Variants in TMEM9 observed in about 807,000 individuals in gnomAD.
TMEM9 encodes proton-transporting V-type ATPase complex assembly regulator TMEM9.
TMEM9 carries 13 observed loss-of-function variants against 22.8 expected under a neutral mutation model. The ratio of observed to expected loss-of-function variants is 0.57; its 90% CI spans 0.37 to 0.91. TMEM9 has a LOEUF of 0.91. Among genes scored for constraint, TMEM9 ranks in the 40% least tolerant of loss-of-function variants. The pLI, the probability that TMEM9 is intolerant of heterozygous loss-of-function variation, is 0.01. For missense variants in TMEM9, 182 were observed against 238.1 expected (o/e 0.76, Z 1.55); for synonymous variants, 88 against 93.0 (o/e 0.95, Z 0.31).
At chr1:201,167,984 G>A (rs1241296286) in intron 1 of TMEM9, among the ~76,000 whole-genome samples, 3 of 152,148 alleles carry the variant, frequency 2.0e-5, no homozygotes, top group Non-Finnish European at 4.4e-5. Context: ...GTTTTTGCCT[G>A]TTTTGAACTT....
At chr1:201,168,527 T>C (rs1666134839) in intron 1 of TMEM9, among the ~76,000 whole-genome samples, 1 of 152,210 alleles carries the variant, frequency 6.6e-6, no homozygotes, top group South Asian at 2.1e-4. Flanking sequence ...AAGATCAGCC[T>C]GGCCAACATG....
intron 1 of TMEM9, among the ~76,000 whole-genome samples, chr1:201,160,021 CATAA>C (rs1325091563): frequency 1.3e-5 from 2 of 152,206 alleles, no homozygotes; most frequent in Non-Finnish European, 2.9e-5. Flanking sequence ...CATGGCACTG[CATAA>C]ATAGAGGATA....
At chr1:201,142,996 C>A (rs1468272141) in intron 4 of TMEM9, among the ~76,000 whole-genome samples, 1 of 152,254 alleles carries the variant, frequency 6.6e-6, no homozygotes, top group African/African-American at 2.4e-5. Flanking sequence ...CTCCTGTCCC[C>A]CCGGGTTTCC....
intron 2 of TMEM9, among the ~76,000 whole-genome samples, chr1:201,147,129 C>T (rs769668849): frequency 1.3e-4 from 20 of 152,180 alleles, no homozygotes; most frequent in Middle Eastern, 3.2e-3. Context: ...TACCCCCAGC[C>T]GCCTTCCTCA....
Position 201,135,751 on chromosome 1 carries a change from T to G in TMEM9, c.464A>C (p.Glu155Ala). The G allele has an allele frequency of 6.2e-7, 1 of 1,613,692 alleles. No individual in the cohort carries two copies. The highest frequency in any genetic ancestry group is 8.5e-7 in the Non-Finnish European group (1 of 1,179,814). ...CCGCTGCTGGGCACCTTCCACACGC[T>G]CCAGGACTGTGTTTGCTCGGGGTCC... ...LGGPRANTVLERVEGAQQRWK... is the reference protein window; with the variant it reads ...LGGPRANTVLARVEGAQQRWK... Residue 155 changes from glutamate to alanine, a missense_variant, in exon 5 of 5, where the codon GAG (glutamate) becomes GCG (alanine). By Grantham distance (107) the Glu-to-Ala change is moderately radical (BLOSUM62 -1). Transcript: ENST00000367330.
intron 2 of TMEM9, among the ~76,000 whole-genome samples, chr1:201,149,554 T>C (rs1665255690): frequency 6.6e-6 from 1 of 152,150 alleles, no homozygotes; most frequent in African/African-American, 2.4e-5. Context: ...GTTTTTGCCT[T>C]TTTATGCACA....
At chr1:201,144,245 G>A (rs1172797060) in intron 3 of TMEM9, 5 of 303,354 alleles carry the variant, frequency 1.6e-5, no homozygotes, top group Admixed American at 8.5e-5. Context: ...AGAGGCTCCC[G>A]GGGTAGAGAT....
chr1:201,137,490 ACAC>A (rs1664110216), intron 4 of TMEM9, among the ~76,000 whole-genome samples: 2 of 151,570 alleles, frequency 1.3e-5, no homozygotes, highest in African/African-American at 4.8e-5. Flanking sequence ...ACACACACAC[ACAC>A]ACACACACAC....
rs1173355420 is a variant in TMEM9 at position 201,135,212 on chromosome 1, A to AT, written c.*450dup. 8.0e-6 allele frequency: 1 copy of AT among 124,926 alleles called. No homozygotes were observed. The allele number at this position is 124,926 out of a possible 1,614,324, so 7.7% of individuals were successfully genotyped here. A position where few individuals can be genotyped will look rare whatever the true frequency, so the allele number is the denominator to read the frequency against. ...CGCTGGGGCTGGGAGGGAGGTGGTG[A>AT]TAAGAACCACTGCAGAAAGGAACAC... On this transcript the variant is annotated 3_prime_UTR_variant, in exon 5 of 5. Coordinates refer to ENST00000367330, the MANE Select transcript of TMEM9 (RefSeq NM_001288565.2).
Position 201,143,953 on chromosome 1 carries a change from T to A in TMEM9, c.268-2A>T, listed in dbSNP as rs1264410947. On this transcript the variant is annotated splice_acceptor_variant, in intron 3 of 4. Transcript: ENST00000367330. LOFTEE classifies it high-confidence loss of function. ...GGACAGGTAGATGACAATGATGACC[T>A]GAGGAAGAGACCGGCGTGCCTATGA... The A allele has an allele frequency of 2.5e-6, 4 of 1,614,008 alleles. No individual in the cohort carries two copies. The highest frequency in any genetic ancestry group is 3.4e-6 in the Non-Finnish European group (4 of 1,179,966).
intron 1 of TMEM9, among the ~76,000 whole-genome samples, chr1:201,162,575 T>TA (rs1412725479): frequency 6.7e-6 from 1 of 148,232 alleles, no homozygotes; most frequent in African/African-American, 2.5e-5. Context: ...TCATACCTTG[T>TA]AAAAAATATA....
chr1:201,146,917 C>G, intron 2 of TMEM9, 69 bp from the exon 3 acceptor site: 1 of 1,452,326 alleles, frequency 6.9e-7, no homozygotes, highest in Non-Finnish European at 9.6e-7. Flanking sequence ...ACCAGAGAAG[C>G]AGGTAGCCAG....
intron 2 of TMEM9, among the ~76,000 whole-genome samples, chr1:201,147,818 C>T (rs149230555): frequency 4.7e-4 from 71 of 152,306 alleles, no homozygotes; most frequent in Non-Finnish European, 2.4e-4. Context: ...TCCAGCCACA[C>T]GGATCTGCCA....
intron 4 of TMEM9, among the ~76,000 whole-genome samples, chr1:201,141,156 TAA>T (rs1664486558): frequency 1.3e-5 from 2 of 152,192 alleles, no homozygotes; most frequent in South Asian, 4.1e-4. Flanking sequence ...CCTTGTCTAG[TAA>T]AGAGGGGCCT....
At chr1:201,141,793 G>C (rs1315314107) in intron 4 of TMEM9, among the ~76,000 whole-genome samples, 3 of 152,108 alleles carry the variant, frequency 2.0e-5, no homozygotes, top group African/African-American at 7.2e-5. Context: ...GAGCACTCCA[G>C]GTCTCCTGGG....
intron 4 of TMEM9, among the ~76,000 whole-genome samples, chr1:201,140,330 C>T (rs927024897): frequency 6.6e-6 from 1 of 152,240 alleles, no homozygotes; most frequent in East Asian, 1.9e-4. Context: ...AGGGCCCAAC[C>T]TGCACATCTA....
intron 3 of TMEM9, chr1:201,144,910 C>T (rs1410450357): frequency 6.6e-6 from 1 of 152,290 alleles, no homozygotes; most frequent in African/African-American, 2.4e-5. Flanking sequence ...TTCCTAATTC[C>T]ACAATGCCTG....
chr1:201,144,286 G>C, intron 3 of TMEM9: 1 of 243,118 alleles, frequency 4.1e-6, no homozygotes, highest in East Asian at 9.3e-5. Flanking sequence ...GGCTGTAGAA[G>C]AGTTCATGAT....
intron 2 of TMEM9, among the ~76,000 whole-genome samples, chr1:201,148,973 G>A (rs1665214555): frequency 6.6e-6 from 1 of 152,226 alleles, no homozygotes; most frequent in Non-Finnish European, 1.5e-5. Context: ...TCTCCAGGAA[G>A]TCTCTACAAG....
Sources: gnomAD v4.1 joint callset for allele counts (sites outside exome capture counted in the v4.1 genomes callset) on GRCh38, gnomAD v4.1.1 for gene constraint, MANE v1.5 for transcripts, NCBI Gene and HGNC (gene_info 2026-07-23, HGNC 2026-07-21) for gene names.